Variants in TYW1B observed in about 807,000 individuals in gnomAD.
The protein encoded by TYW1B is tRNA-yW synthesizing protein 1 homolog B.
In TYW1B, 73 loss-of-function variants were observed where a neutral mutation model predicts 86.9. That is an observed-to-expected ratio of 0.84 (90% CI 0.70 to 1.02). The LOEUF (loss-of-function observed/expected upper bound fraction) is 1.02. Among genes scored for constraint, TYW1B ranks in the 50% least tolerant of loss-of-function variants. The pLI is 0.00. For missense variants in TYW1B, 637 were observed against 827.4 expected (o/e 0.77, Z 2.82); for synonymous variants, 248 against 292.8 (o/e 0.85, Z 1.56).
intron 11 of TYW1B, among the ~76,000 whole-genome samples, chr7:72,663,746 A>T (rs1376203485): frequency 2.4e-5 from 3 of 124,396 alleles, no homozygotes; most frequent in Admixed American, 9.9e-5. Flanking sequence ...CCTGGGAGAC[A>T]GCAAGACTCC....
intron 11 of TYW1B, among the ~76,000 whole-genome samples, chr7:72,630,370 C>A (rs184573438): frequency 9.5e-4 from 145 of 152,212 alleles, no homozygotes; most frequent in African/African-American, 3.3e-3. Context: ...CTATAACCAA[C>A]AGACTATGGC....
intron 2 of TYW1B, among the ~76,000 whole-genome samples, chr7:72,818,352 C>T (rs141872442): frequency 0.013 from 1,942 of 151,840 alleles, 42 homozygotes; most frequent in African/African-American, 0.045. Context: ...GAGGCTGAGG[C>T]GGGTGGATCA....
intron 12 of TYW1B, among the ~76,000 whole-genome samples, chr7:72,623,334 T>C (rs1554438287): frequency 6.6e-6 from 1 of 152,102 alleles, no homozygotes; most frequent in East Asian, 1.9e-4. Context: ...CTAGGGCCAA[T>C]TTGTATTATT....
chr7:72,748,852 T>C (rs1274379965), intron 7 of TYW1B, among the ~76,000 whole-genome samples: 3 of 152,132 alleles, frequency 2.0e-5, no homozygotes, highest in African/African-American at 7.2e-5. Context: ...TGTTGAGGAT[T>C]TCTACATCTA....
chr7:72,794,648 G>A (rs1554474190), intron 6 of TYW1B, among the ~76,000 whole-genome samples: 1 of 152,044 alleles, frequency 6.6e-6, no homozygotes, highest in East Asian at 1.9e-4. Context: ...GCTTCTCAGA[G>A]TACATTTTGC....
chr7:72,727,800 G>A (rs1246094832), intron 9 of TYW1B, among the ~76,000 whole-genome samples: 1 of 118,344 alleles, frequency 8.4e-6, no homozygotes, highest in African/African-American at 3.3e-5. Context: ...GTGACAGAGT[G>A]AGATCCGGTC....
At chr7:72,758,402 C>A (rs1203875775) in intron 7 of TYW1B, among the ~76,000 whole-genome samples, 3 of 151,920 alleles carry the variant, frequency 2.0e-5, no homozygotes, top group African/African-American at 7.3e-5. Context: ...ATTATGTTCC[C>A]ATTGCTATGT....
intron 11 of TYW1B, among the ~76,000 whole-genome samples, chr7:72,673,792 A>T (rs200820619): frequency 6.7e-6 from 1 of 149,264 alleles, no homozygotes; most frequent in South Asian, 2.1e-4. Flanking sequence ...AATGCTGGAG[A>T]GGATAGATAC....
At chr7:72,743,495 A>C (rs1787340238) in intron 8 of TYW1B, among the ~76,000 whole-genome samples, 1 of 152,100 alleles carries the variant, frequency 6.6e-6, no homozygotes, top group Non-Finnish European at 1.5e-5. Context: ...TGAAGACATG[A>C]GTTGGCATAG....
intron 6 of TYW1B, among the ~76,000 whole-genome samples, chr7:72,800,984 G>A (rs139950813): frequency 2.0e-5 from 3 of 152,196 alleles, no homozygotes; most frequent in African/African-American, 7.2e-5. Context: ...ATATCATTCA[G>A]GAATGTTTTA....
intron 5 of TYW1B, among the ~76,000 whole-genome samples, chr7:72,802,856 G>C (rs1788427443): frequency 6.6e-6 from 1 of 152,032 alleles, no homozygotes; most frequent in Admixed American, 6.6e-5. Flanking sequence ...CCTGACCTCA[G>C]GTAATCCACC....
intron 11 of TYW1B, among the ~76,000 whole-genome samples, chr7:72,635,651 A>G (rs1432253964): frequency 6.6e-6 from 1 of 152,214 alleles, no homozygotes; most frequent in Non-Finnish European, 1.5e-5. Flanking sequence ...TTGCATATCC[A>G]TGTACATTTT....
At chr7:72,695,698 C>T (rs1211901536) in intron 10 of TYW1B, among the ~76,000 whole-genome samples, 1 of 151,902 alleles carries the variant, frequency 6.6e-6, no homozygotes, top group African/African-American at 2.4e-5. Flanking sequence ...GTTCAAGTGA[C>T]CCTCTTATCT....
chr7:72,813,262 A>C (rs1586004566), intron 3 of TYW1B, among the ~76,000 whole-genome samples: 1 of 130,614 alleles, frequency 7.7e-6, no homozygotes, highest in Non-Finnish European at 1.6e-5. Flanking sequence ...TGCGACCTCC[A>C]CCTCCCAGGT....
At chr7:72,772,552 A>T (rs1177978375) in intron 7 of TYW1B, among the ~76,000 whole-genome samples, 1 of 152,050 alleles carries the variant, frequency 6.6e-6, no homozygotes, top group Non-Finnish European at 1.5e-5. Context: ...TAGCACTATA[A>T]CCTGTCATTT....
chr7:72,681,591 CTTTTT>C (rs71069098), intron 11 of TYW1B, among the ~76,000 whole-genome samples: 3 of 111,024 alleles, frequency 2.7e-5, no homozygotes, highest in African/African-American at 6.9e-5. Context: ...ATATTTACTT[CTTTTT>C]TTTTTTTTTT....
Position 72,761,921 on chromosome 7 carries a change from T to C in TYW1B, c.964+15495A>G, listed in dbSNP as rs369566243. On this transcript the variant is annotated intron_variant, in intron 7 of 13. Coordinates refer to ENST00000620995, the MANE Select transcript of TYW1B (RefSeq NM_001145440.3). The stretch of plus-strand genomic sequence containing the variant: ...AACAATGATCTGAGAAAAGTCATGA[T>C]AAGGTTCATGAAAACACAATTCATA... Among the ~76,000 whole-genome samples, 19 of 152,138 alleles carry C rather than the reference T, an allele frequency of 1.2e-4. No individual in the cohort carries two copies. The East Asian group carries it at 3.1e-3, about 25-fold the overall frequency.
At chr7:72,704,117 G>A (rs1161497798) in intron 10 of TYW1B, among the ~76,000 whole-genome samples, 1 of 151,734 alleles carries the variant, frequency 6.6e-6, no homozygotes, top group African/African-American at 2.4e-5. Flanking sequence ...GTTTCTGGTG[G>A]GCTTAACGTT....
chr7:72,583,472 GGTT>G (rs1811205300), intron 13 of TYW1B, among the ~76,000 whole-genome samples: 1 of 152,208 alleles, frequency 6.6e-6, no homozygotes, highest in African/African-American at 2.4e-5. Flanking sequence ...ATCTGAAAGT[GGTT>G]GTTGTTTGAG....
Sources: gnomAD v4.1 joint callset for allele counts (sites outside exome capture counted in the v4.1 genomes callset) on GRCh38, gnomAD v4.1.1 for gene constraint, MANE v1.5 for transcripts, NCBI Gene and HGNC (gene_info 2026-07-23, HGNC 2026-07-21) for gene names.